SLC2A9: variants seen among roughly 807,000 people sequenced by gnomAD.
The protein encoded by SLC2A9 is solute carrier family 2 member 9.
In SLC2A9, 39 loss-of-function variants were observed where a neutral mutation model predicts 50.6. That is an observed-to-expected ratio of 0.77 (90% CI 0.60 to 1.01). The LOEUF is 1.01. Ranked by LOEUF, SLC2A9 falls within the 50% of genes least tolerant of loss-of-function variation. The pLI is 0.00. For synonymous variants in SLC2A9, 324 were observed against 276.9 expected, an observed-to-expected ratio of 1.17 and a Z score of -1.69; for missense variants, 686 against 677.6, an observed-to-expected ratio of 1.01 and a Z score of -0.14.
chr4:9,997,449 C>T (rs2109298303), intron 2 of SLC2A9, among the ~76,000 whole-genome samples: 1 of 152,296 alleles, frequency 6.6e-6, no homozygotes, highest in African/African-American at 2.4e-5. Context: ...CCTGTAATCC[C>T]AGCACTCTGG....
chr4:9,963,467 C>T (rs908819401), intron 5 of SLC2A9, among the ~76,000 whole-genome samples: 4 of 152,186 alleles, frequency 2.6e-5, no homozygotes, highest in Non-Finnish European at 4.4e-5. Flanking sequence ...GTCAGCTCTA[C>T]GTTGATACAA....
intron 6 of SLC2A9, among the ~76,000 whole-genome samples, chr4:9,938,397 G>A (rs893561845): frequency 4.0e-5 from 6 of 150,944 alleles, no homozygotes; most frequent in South Asian, 2.1e-4. Flanking sequence ...TCAGCCTCCA[G>A]AGTAGCTGGG....
At chr4:10,019,177 A>C (rs958879061) in intron 1 of SLC2A9, 104 bp from the exon 2 acceptor site, 10 of 928,208 alleles carry the variant, frequency 1.1e-5, no homozygotes, top group Non-Finnish European at 1.5e-5. Flanking sequence ...TCCGGAGGAG[A>C]AGTCTTTGTC....
chr4:9,774,422 T>C (rs1437895501), intron 1 of SLC2A9, among the ~76,000 whole-genome samples: 4 of 152,230 alleles, frequency 2.6e-5, no homozygotes, highest in African/African-American at 9.6e-5. Flanking sequence ...GTTAGGGTCG[T>C]GCTTCCACCC....
chr4:10,026,769 C>A (rs1763766298), intron 1 of SLC2A9, among the ~76,000 whole-genome samples: 1 of 152,144 alleles, frequency 6.6e-6, no homozygotes, highest in African/African-American at 2.4e-5. Flanking sequence ...ACAGGCCGGG[C>A]ATGGTGGCTC....
intron 8 of SLC2A9, among the ~76,000 whole-genome samples, chr4:9,893,457 G>A (rs899225836): frequency 1.3e-5 from 2 of 151,986 alleles, no homozygotes; most frequent in Non-Finnish European, 2.9e-5. Context: ...AACTTCACTT[G>A]GTGGGAAGTG....
At chr4:9,789,554 G>A (rs1456091839) in intron 3 of SLC2A9, among the ~76,000 whole-genome samples, 1 of 152,234 alleles carries the variant, frequency 6.6e-6, no homozygotes, top group Non-Finnish European at 1.5e-5. Flanking sequence ...GAAGAAATAG[G>A]ACAAGATGTC....
intron 3 of SLC2A9, among the ~76,000 whole-genome samples, chr4:9,788,629 G>T (rs909183009): frequency 2.0e-5 from 3 of 152,112 alleles, no homozygotes; most frequent in South Asian, 2.1e-4. Flanking sequence ...CAGTCTAGGG[G>T]CAACACTCAG....
chr4:10,012,001 C>T (rs1301648667), intron 2 of SLC2A9, among the ~76,000 whole-genome samples: 2 of 152,244 alleles, frequency 1.3e-5, no homozygotes, highest in East Asian at 1.9e-4. Context: ...AGACCACCAT[C>T]TGTTTCGTAA....
chr4:9,892,247 G>C (rs1737616512), intron 8 of SLC2A9, among the ~76,000 whole-genome samples: 1 of 152,236 alleles, frequency 6.6e-6, no homozygotes, highest in Non-Finnish European at 1.5e-5. Flanking sequence ...GCTGCCTGGG[G>C]CCATGGACCT....
At chr4:9,907,071 T>C (rs561067159) in intron 8 of SLC2A9, among the ~76,000 whole-genome samples, 6 of 152,360 alleles carry the variant, frequency 3.9e-5, no homozygotes, top group East Asian at 1.9e-4. Flanking sequence ...CCTGTTTGCA[T>C]GGGCATCAAT....
chr4:9,909,222 T>C (rs938059584), intron 7 of SLC2A9, among the ~76,000 whole-genome samples: 2 of 152,062 alleles, frequency 1.3e-5, no homozygotes, highest in African/African-American at 4.8e-5. Context: ...TTAGAAAGAG[T>C]TAGCCTGTGC....
chr4:9,979,747 A>G (rs981532687), intron 5 of SLC2A9, among the ~76,000 whole-genome samples: 3 of 151,836 alleles, frequency 2.0e-5, no homozygotes, highest in Non-Finnish European at 2.9e-5. Flanking sequence ...AGGGCTTCCT[A>G]TTCCCCCAGG....
chr4:9,935,568 G>T lies in SLC2A9; in HGVS notation c.814+6345C>A, dbSNP rs1003772611. Among the ~76,000 whole-genome samples, 5 of 152,174 alleles carry T rather than the reference G, an allele frequency of 3.3e-5. No individual in the cohort carries two copies. The South Asian group carries it at 1.0e-3, about 32-fold the overall frequency. ...AGGTAGAGAAACACAGCCCAGAGAGGTGTTGTGACCAAACCAGAACTCCTG... is the reference window on the plus strand; with the variant it reads ...AGGTAGAGAAACACAGCCCAGAGAGTTGTTGTGACCAAACCAGAACTCCTG... On this transcript the variant is annotated intron_variant, in intron 6 of 11. Transcript: ENST00000264784.
At chr4:9,974,826 G>C (rs1754521741) in intron 5 of SLC2A9, among the ~76,000 whole-genome samples, 1 of 152,088 alleles carries the variant, frequency 6.6e-6, no homozygotes, top group Non-Finnish European at 1.5e-5. Context: ...ACAAAAGCCA[G>C]AGGCATCATA....
At chr4:9,860,256 G>A (rs531118318) in intron 10 of SLC2A9, among the ~76,000 whole-genome samples, 4 of 152,108 alleles carry the variant, frequency 2.6e-5, no homozygotes, top group Admixed American at 6.5e-5. Flanking sequence ...CCCTGCCTTC[G>A]AGGCTGTTGG....
At chr4:9,853,470 G>A (rs1266174460) in intron 10 of SLC2A9, among the ~76,000 whole-genome samples, 1 of 152,164 alleles carries the variant, frequency 6.6e-6, no homozygotes, top group East Asian at 1.9e-4. Context: ...AGATATATAT[G>A]TACCCAACAT....
At chr4:9,872,418 G>A (rs1448351962) in intron 10 of SLC2A9, among the ~76,000 whole-genome samples, 4 of 152,156 alleles carry the variant, frequency 2.6e-5, no homozygotes, top group Non-Finnish European at 5.9e-5. Flanking sequence ...ATAAAAATAT[G>A]TTAACAAAAG....
intron 10 of SLC2A9, among the ~76,000 whole-genome samples, chr4:9,866,300 C>T (rs1209878026): frequency 6.6e-6 from 1 of 151,978 alleles, no homozygotes; most frequent in Non-Finnish European, 1.5e-5. Flanking sequence ...TGAGAACACT[C>T]TGGGCACACC....
Sources: gnomAD v4.1 joint callset for allele counts (sites outside exome capture counted in the v4.1 genomes callset) on GRCh38, gnomAD v4.1.1 for gene constraint, MANE v1.5 for transcripts, NCBI Gene and HGNC (gene_info 2026-07-23, HGNC 2026-07-21) for gene names.